The following PTK2B variants were observed in gnomAD, a reference collection of about 807,000 sequenced individuals.
The protein encoded by PTK2B is protein tyrosine kinase 2 beta.
Under a neutral mutation model 142.9 loss-of-function variants are expected in PTK2B, and 71 were observed. The observed-to-expected ratio is 0.50, with a 90% CI of 0.41 to 0.61. The LOEUF is 0.61. Ranked by LOEUF, PTK2B falls within the 20% of genes least tolerant of loss-of-function variation. The pLI is 0.00. For synonymous variants in PTK2B, 519 were observed against 503.4 expected (o/e 1.03, Z -0.42); for missense variants, 1,105 against 1,320.4 (o/e 0.84, Z 2.53).
chr8:27,352,150 C>T (rs1048508280), intron 1 of PTK2B, among the ~76,000 whole-genome samples: 16 of 152,224 alleles, frequency 1.1e-4, no homozygotes, highest in African/African-American at 2.9e-4. Context: ...CTCTTCCAAG[C>T]GCTGCTGTCC....
rs541334544 is a variant in PTK2B at position 27,438,184 on chromosome 8, C to T, written c.1643+304C>T. On this transcript the variant is annotated intron_variant, in intron 18 of 30. Transcript: ENST00000346049. Reference sequence around the variant, plus strand: ...CCAGGAAATCGCCCCCAACCTTGCTCAGAGCTTGCTCACCTCCAGCTCCCT... The same window carrying T: ...CCAGGAAATCGCCCCCAACCTTGCTTAGAGCTTGCTCACCTCCAGCTCCCT... 1.1e-4 allele frequency among the ~76,000 whole-genome samples: 16 copies of T among 152,350 alleles called. 1 individual carries two copies. In the Middle Eastern group the frequency reaches 0.014, roughly 130 times the overall value.
intron 12 of PTK2B, 85 bp downstream of exon 12, chr8:27,434,217 C>A: frequency 6.7e-7 from 1 of 1,503,276 alleles, no homozygotes; most frequent in Admixed American, 1.8e-5. Context: ...GAGTCCCCAC[C>A]TCCATAGTTT....
chr8:27,328,300 T>C (rs1803537707), intron 1 of PTK2B, among the ~76,000 whole-genome samples: 1 of 152,180 alleles, frequency 6.6e-6, no homozygotes, highest in Non-Finnish European at 1.5e-5. Flanking sequence ...AGTTTTAGGA[T>C]GAGTTCCTTA....
At chr8:27,350,971 G>A (rs1176652280) in intron 1 of PTK2B, among the ~76,000 whole-genome samples, 2 of 19,546 alleles carry the variant, frequency 1.0e-4, no homozygotes, top group Non-Finnish European at 1.8e-4. Flanking sequence ...GAAAGTCTCC[G>A]TCTCAAAAAA....
intron 30 of PTK2B, among the ~76,000 whole-genome samples, chr8:27,455,266 T>A (rs139458889): frequency 2.4e-4 from 36 of 152,082 alleles, no homozygotes; most frequent in African/African-American, 7.9e-4. Flanking sequence ...CTTACAGGGA[T>A]CTCTGTGACA....
At chr8:27,437,309 C>A in intron 16 of PTK2B, 87 bp from the exon 17 acceptor site, 2 of 1,536,550 alleles carry the variant, frequency 1.3e-6, no homozygotes, top group South Asian at 2.3e-5. Context: ...GAGGGGTTCC[C>A]GTCCTCCCAG....
rs1805828708 is a variant in PTK2B, at chr8:27,363,327, G to A, written c.-37-34221G>A. On this transcript the variant is annotated intron_variant, in intron 1 of 30. Transcript: ENST00000346049. This position sits in a 1 kb window ranked among gnomAD's most constrained non-coding sequence, Gnocchi z 4.3. The stretch of plus-strand genomic sequence containing the variant: ...AGAGCAGAGGAGCTGTTTTCCACTA[G>A]TGAAAGGTCAGGAGGTGGAAGTGAG... Among the ~76,000 whole-genome samples the A allele has an allele frequency of 6.6e-6, 1 of 152,192 alleles. No individual in the cohort carries two copies. Among genetic ancestry groups the A allele is most frequent in the Non-Finnish European group, 1.5e-5 (1 of 68,030 alleles).
Position 27,432,361 on chromosome 8 carries a change from G to A in PTK2B, c.987G>A (p.Gln329=). ...VLQLGIEGAP[Q]ALSIKTSSLA... ...AGCTGGGCATTGAAGGTGCCCCCCA[G>A]GTGAGTGTCTCTGGGCACTGGGCAC... Residue 329 remains glutamine (Q), a splice_region_variant and synonymous_variant, in exon 10 of 31, where the codon CAG becomes CAA. Transcript: ENST00000346049. The A allele has an allele frequency of 1.2e-6, 2 of 1,613,574 alleles. No homozygotes were observed. The highest frequency in any genetic ancestry group is 1.7e-6 in the Non-Finnish European group (2 of 1,179,970).
At chr8:27,438,471 GGT>G (rs1039261666) in intron 18 of PTK2B, among the ~76,000 whole-genome samples, 4 of 5,398 alleles carry the variant, frequency 7.4e-4, no homozygotes, top group African/African-American at 7.1e-3. Flanking sequence ...CCTGACTCAG[GGT>G]GTGTGAAGCT....
chr8:27,372,347 C>T (rs1330351946), intron 1 of PTK2B, among the ~76,000 whole-genome samples: 3 of 152,140 alleles, frequency 2.0e-5, no homozygotes, highest in African/African-American at 4.8e-5. Flanking sequence ...GATCTGCAGT[C>T]GGCAGGCTCA....
Position 27,314,964 on chromosome 8 carries a change from C to T in PTK2B, c.-414+1677C>T, listed in dbSNP as rs532879755. ...AAATAAATAAACTTCTATCCCTTTC[C>T]TCTTCTTAACCTTTTTGTCAGTGAT... On this transcript the variant is annotated intron_variant, in intron 3 of 35. Coordinates refer to the PTK2B transcript ENST00000397501. 6.8e-4 allele frequency among the ~76,000 whole-genome samples: 104 copies of T among 152,316 alleles called. 1 individual carries two copies. The highest frequency in any genetic ancestry group is 2.4e-3 in the African/African-American group (101 of 41,558).
In PTK2B at chr8:27,440,223, C is replaced by G. The variant is rs760817956; in HGVS notation, c.1835-14C>G. ...TCTCCCCCACCCAGGGCCTGACGCT[C>G]CCTTACACCCCAGCCGTGTGCATGT... is the stretch of plus-strand genomic sequence containing the variant. On this transcript the variant is annotated splice_polypyrimidine_tract_variant and intron_variant, in intron 20 of 30. Coordinates refer to ENST00000346049, the MANE Select transcript of PTK2B (RefSeq NM_173176.3). 1.9e-6 allele frequency: 3 copies of G among 1,613,860 alleles called. No homozygotes were observed. Among genetic ancestry groups the G allele is most frequent in the South Asian group, 2.2e-5 (2 of 91,058 alleles).
intron 1 of PTK2B, among the ~76,000 whole-genome samples, chr8:27,393,969 G>T (rs1371390943): frequency 6.6e-6 from 1 of 152,026 alleles, no homozygotes; most frequent in Non-Finnish European, 1.5e-5. Context: ...GTCACTTAAG[G>T]GTAAGGCTGC....
chr8:27,458,821 G>A lies in PTK2B; in HGVS notation c.*312G>A, dbSNP rs539904411. 3.2e-5 allele frequency: 15 copies of A among 465,038 alleles called. No homozygotes were observed. The East Asian group carries it at 5.3e-4, about 17-fold the overall frequency. 28.8% of individuals were successfully genotyped at this position (465,038 alleles called of 1,614,324 possible). Reference sequence around the variant, plus strand: ...GCAGGGGGCTCCTGGGGGTGGGGAGGTGTCACATGGTGCCCCTAGCTTTAT... The same window carrying A: ...GCAGGGGGCTCCTGGGGGTGGGGAGATGTCACATGGTGCCCCTAGCTTTAT... On this transcript the variant is annotated 3_prime_UTR_variant, in exon 31 of 31. Coordinates refer to ENST00000346049, the MANE Select transcript of PTK2B (RefSeq NM_173176.3).
upstream of PTK2B, chr8:27,323,564 G>C (rs193250530): frequency 6.2e-4 from 95 of 152,312 alleles, no homozygotes; most frequent in African/African-American, 2.2e-3. Flanking sequence ...CATATGGAGA[G>C]CATCGCCATG....
At position 27,435,929 on chromosome 8, in the gene PTK2B, C is replaced by CCTG. The variant is rs1205980610; in HGVS notation, c.1243+137_1243+139dup. ...CGTGCTAGACTTAGACAGTGGCAAA[C>CCTG]CTGAGATGCCTTGGATTTGAAAGCT... On this transcript the variant is annotated intron_variant, in intron 14 of 30. Coordinates refer to ENST00000346049, the MANE Select transcript of PTK2B (RefSeq NM_173176.3). 5 of 1,136,260 alleles carry CCTG rather than the reference C, an allele frequency of 4.4e-6. No homozygotes were observed. The African/African-American group carries it at 7.7e-5, about 17-fold the overall frequency. The allele number at this position is 1,136,260 out of a possible 1,614,324, so 70.4% of individuals were successfully genotyped here. A position where few individuals can be genotyped will look rare whatever the true frequency, so the allele number is the denominator to read the frequency against.
chr8:27,453,294 G>A (rs917212329), intron 28 of PTK2B, 134 bp downstream of exon 28: 4 of 1,237,094 alleles, frequency 3.2e-6, no homozygotes, highest in Non-Finnish European at 4.6e-6. Flanking sequence ...TGAAGCCCGG[G>A]GTTAGGGGGC....
intron 3 of PTK2B, among the ~76,000 whole-genome samples, chr8:27,320,244 A>C (rs997290776): frequency 6.6e-6 from 1 of 152,050 alleles, no homozygotes; most frequent in Non-Finnish European, 1.5e-5. Context: ...CACCCTTCAA[A>C]TTGTCTGTGA....
rs1259902395 is a variant in PTK2B at position 27,363,935 on chromosome 8, C to T, written c.-37-33613C>T. ...GCAGGGCTAAGATTAGACTAGGGCCCGGCCGCCTGTCTTGACACATGCGCA... is the reference window on the plus strand; with the variant it reads ...GCAGGGCTAAGATTAGACTAGGGCCTGGCCGCCTGTCTTGACACATGCGCA... On this transcript the variant is annotated intron_variant, in intron 1 of 30. Transcript: ENST00000346049. The surrounding 1 kb of genome is among the most constrained non-coding windows in gnomAD (Gnocchi z 4.3). Among the ~76,000 whole-genome samples, 2 of 152,118 alleles carry T rather than the reference C, an allele frequency of 1.3e-5. No individual in the cohort carries two copies. Among genetic ancestry groups the T allele is most frequent in the South Asian group, 2.1e-4 (1 of 4,828 alleles).
Sources: gnomAD v4.1 joint callset for allele counts (sites outside exome capture counted in the v4.1 genomes callset) on GRCh38, gnomAD v4.1.1 for gene constraint, Gnocchi (gnomAD v3.1) non-coding constraint, MANE v1.5 for transcripts, NCBI Gene and HGNC (gene_info 2026-07-23, HGNC 2026-07-21) for gene names.